The following PPP1R9A variants were observed in gnomAD, a reference collection of about 807,000 sequenced individuals.
The protein encoded by PPP1R9A is neurabin-1.
PPP1R9A carries 59 observed loss-of-function variants against 141.9 expected under a neutral mutation model. The observed-to-expected ratio is 0.42, with a 90% CI of 0.34 to 0.52. The LOEUF (loss-of-function observed/expected upper bound fraction) is 0.52. Ranked by LOEUF, PPP1R9A falls within the 20% of genes least tolerant of loss-of-function variation. PPP1R9A has a pLI of 0.10. For synonymous variants in PPP1R9A, 500 were observed against 569.7 expected (o/e 0.88, Z 1.74); for missense variants, 1,444 against 1,611.9 (o/e 0.90, Z 1.78).
intron 6 of PPP1R9A, among the ~76,000 whole-genome samples, chr7:95,201,405 C>T (rs560543444): frequency 2.0e-5 from 3 of 152,214 alleles, no homozygotes; most frequent in African/African-American, 7.2e-5. Flanking sequence ...CTCAACAAAA[C>T]ATGCCCAGAT....
At position 95,203,532 on chromosome 7, in the gene PPP1R9A, C is replaced by G. The variant is rs114568775; in HGVS notation, c.1891-133C>G. 3 of 546,864 alleles carry G rather than the reference C, an allele frequency of 5.5e-6. No individual in the cohort carries two copies. In the Admixed American group the frequency reaches 1.1e-4, roughly 21 times the overall value. 33.9% of individuals were successfully genotyped at this position (546,864 alleles called of 1,614,324 possible). ...GTGTGGGCATTTTTTACCAACATGC[C>G]GCAATATTGTCTTAGTACTTAACAG... On this transcript the variant is annotated intron_variant, in intron 6 of 19. Coordinates refer to ENST00000433360, the MANE Select transcript of PPP1R9A (RefSeq NM_001166160.2).
intron 2 of PPP1R9A, among the ~76,000 whole-genome samples, chr7:95,013,561 A>G (rs1217569958): frequency 6.6e-6 from 1 of 152,112 alleles, no homozygotes; most frequent in African/African-American, 2.4e-5. Flanking sequence ...AAATTTCACC[A>G]AATCTTTTCT....
intron 4 of PPP1R9A, among the ~76,000 whole-genome samples, chr7:95,123,199 C>T (rs1563269926): frequency 2.6e-5 from 4 of 152,174 alleles, no homozygotes; most frequent in African/African-American, 9.7e-5. Context: ...TATTCTTCTA[C>T]ATAGTTTCAT....
intron 8 of PPP1R9A, among the ~76,000 whole-genome samples, chr7:95,242,755 GTTAAAAGACTT>G (rs1316726158): frequency 6.6e-6 from 1 of 152,086 alleles, no homozygotes; most frequent in African/African-American, 2.4e-5. Context: ...GGTCTTGTAA[GTTAAAAGACTT>G]TTACCTGCAG....
intron 16 of PPP1R9A, among the ~76,000 whole-genome samples, chr7:95,278,477 T>G (rs866980647): frequency 2.6e-5 from 4 of 152,214 alleles, no homozygotes; most frequent in Admixed American, 2.0e-4. Context: ...TAGTTTACAA[T>G]GTGGTTCATT....
chr7:95,036,128 C>T (rs1808395215), intron 2 of PPP1R9A: 1 of 152,074 alleles, frequency 6.6e-6, no homozygotes, highest in Non-Finnish European at 1.5e-5. Flanking sequence ...TTAAACATTG[C>T]AATTAGCATT....
At chr7:94,994,772 T>C (rs1316461729) in intron 2 of PPP1R9A, among the ~76,000 whole-genome samples, 1 of 151,934 alleles carries the variant, frequency 6.6e-6, no homozygotes, top group Non-Finnish European at 1.5e-5. Context: ...TGTGCACCTG[T>C]AGTCCCAGCT....
chr7:95,038,231 C>T (rs1808728106), intron 2 of PPP1R9A, among the ~76,000 whole-genome samples: 1 of 152,168 alleles, frequency 6.6e-6, no homozygotes, highest in Non-Finnish European at 1.5e-5. Flanking sequence ...GGCAAACCCC[C>T]TCCCTGAAAT....
At chr7:95,218,323 G>A (rs138466432) in intron 7 of PPP1R9A, among the ~76,000 whole-genome samples, 1 of 152,268 alleles carries the variant, frequency 6.6e-6, no homozygotes, top group South Asian at 2.1e-4. Context: ...TTGCAGTGTG[G>A]TCTGAGAGAC....
intron 2 of PPP1R9A, among the ~76,000 whole-genome samples, chr7:94,919,855 T>C (rs1792568641): frequency 6.6e-6 from 1 of 152,194 alleles, no homozygotes; most frequent in Non-Finnish European, 1.5e-5. Context: ...GTACTTGATA[T>C]TCTGTCAGGT....
intron 4 of PPP1R9A, among the ~76,000 whole-genome samples, chr7:95,139,352 C>A: frequency 6.6e-6 from 1 of 152,088 alleles, no homozygotes; most frequent in South Asian, 2.1e-4. Flanking sequence ...GAAAACCAGC[C>A]CCATGATTCA....
intron 16 of PPP1R9A, 112 bp downstream of exon 16, chr7:95,274,280 C>A: frequency 4.0e-6 from 4 of 997,506 alleles, no homozygotes; most frequent in East Asian, 2.6e-5. Flanking sequence ...AGTGATATGC[C>A]AAGAATTGAG....
intron 8 of PPP1R9A, among the ~76,000 whole-genome samples, chr7:95,234,536 A>C (rs1357237801): frequency 1.3e-5 from 2 of 152,208 alleles, no homozygotes; most frequent in African/African-American, 4.8e-5. Context: ...AGACGACACA[A>C]ACAAATGGAA....
chr7:94,934,757 A>G (rs1042428035), intron 2 of PPP1R9A, among the ~76,000 whole-genome samples: 1 of 149,980 alleles, frequency 6.7e-6, no homozygotes, highest in Non-Finnish European at 1.5e-5. Context: ...ATATACATAT[A>G]TATGTGTATA....
chr7:95,198,523 C>G, intron 6 of PPP1R9A, 39 bp downstream of exon 6: 2 of 1,508,404 alleles, frequency 1.3e-6, no homozygotes, highest in Non-Finnish European at 1.8e-6. Context: ...CCCACATTTT[C>G]TAATTCATGA....
chr7:94,934,798 G>GTGTGTGTGTAT (rs1448847652), intron 2 of PPP1R9A, among the ~76,000 whole-genome samples: 1 of 52,968 alleles, frequency 1.9e-5, no homozygotes, highest in East Asian at 6.0e-4. Context: ...TATCAAATGT[G>GTGTGTGTGTAT]TGTGTGTGTG....
intron 3 of PPP1R9A, among the ~76,000 whole-genome samples, chr7:95,118,083 C>T (rs1321729382): frequency 6.6e-6 from 1 of 152,174 alleles, no homozygotes; most frequent in East Asian, 1.9e-4. Flanking sequence ...CAGCTATCCG[C>T]TAACCTTATA....
chr7:94,982,633 G>C (rs1335355599), intron 2 of PPP1R9A, among the ~76,000 whole-genome samples: 1 of 152,194 alleles, frequency 6.6e-6, no homozygotes, highest in East Asian at 1.9e-4. Flanking sequence ...CTTTTGAAAA[G>C]TGTCTGTTCA....
chr7:95,287,953 G>T (rs940615929), intron 18 of PPP1R9A, among the ~76,000 whole-genome samples: 1 of 152,156 alleles, frequency 6.6e-6, no homozygotes, highest in Non-Finnish European at 1.5e-5. Context: ...CTCCCGAAGT[G>T]CTGGGATTAC....
Sources: gnomAD v4.1 joint callset for allele counts (sites outside exome capture counted in the v4.1 genomes callset) on GRCh38, gnomAD v4.1.1 for gene constraint, MANE v1.5 for transcripts, NCBI Gene and HGNC (gene_info 2026-07-23, HGNC 2026-07-21) for gene names.